TACC2: variants seen among roughly 807,000 people sequenced by gnomAD.
TACC2 encodes transforming acidic coiled-coil containing protein 2.
TACC2 carries 137 observed loss-of-function variants against 227.3 expected under a neutral mutation model. That is an observed-to-expected ratio of 0.60 (90% CI 0.52 to 0.69). TACC2 has a LOEUF of 0.69. TACC2 is among the 30% of genes least tolerant of loss of function. TACC2 has a pLI of 0.00. For missense variants in TACC2, 3,470 were observed against 3,694.4 expected, an observed-to-expected ratio of 0.94 and a Z score of 1.57; for synonymous variants, 1,523 against 1,487.5, an observed-to-expected ratio of 1.02 and a Z score of -0.55.
intron 9 of TACC2, 73 bp from the exon 10 acceptor site, chr10:122,215,318 G>T: frequency 7.9e-6 from 11 of 1,386,102 alleles, no homozygotes; most frequent in Non-Finnish European, 1.1e-5. Flanking sequence ...CAGTAGCTTC[G>T]GTCCGCTCTG....
At chr10:122,126,347 T>C (rs559020434) in intron 5 of TACC2, among the ~76,000 whole-genome samples, 24 of 150,242 alleles carry the variant, frequency 1.6e-4, no homozygotes, top group African/African-American at 5.7e-4. Flanking sequence ...TGTGTGTGTG[T>C]TTGATGTTCA....
chr10:122,206,217 G>A (rs2095101876), intron 8 of TACC2, among the ~76,000 whole-genome samples: 1 of 152,220 alleles, frequency 6.6e-6, no homozygotes, highest in Admixed American at 6.5e-5. Flanking sequence ...TCAGCTGGGT[G>A]ATGTCTGCTG....
intron 3 of TACC2, among the ~76,000 whole-genome samples, chr10:122,073,106 C>CAAAAAA (rs1164376721): frequency 2.2e-3 from 43 of 19,398 alleles, no homozygotes; most frequent in Non-Finnish European, 2.9e-3. Flanking sequence ...GACTCTGTCT[C>CAAAAAA]AAAAAAAAAA....
At chr10:122,116,619 C>T (rs558829054) in intron 5 of TACC2, among the ~76,000 whole-genome samples, 6 of 152,260 alleles carry the variant, frequency 3.9e-5, no homozygotes, top group African/African-American at 1.4e-4. Context: ...CATGAATATA[C>T]TTGATAAACA....
intron 1 of TACC2, among the ~76,000 whole-genome samples, chr10:121,999,333 A>G (rs1338128220): frequency 6.6e-6 from 1 of 152,244 alleles, no homozygotes; most frequent in Non-Finnish European, 1.5e-5. Flanking sequence ...TAAAAAGCAC[A>G]GCTTTGTATT....
chr10:122,019,980 A>G (rs1341448204), intron 1 of TACC2: 2 of 152,222 alleles, frequency 1.3e-5, no homozygotes, highest in African/African-American at 2.4e-5. Flanking sequence ...TTCCAGACGC[A>G]GCCAGGCTTC....
intron 9 of TACC2, among the ~76,000 whole-genome samples, chr10:122,211,921 C>A (rs1253378567): frequency 6.6e-6 from 1 of 152,188 alleles, no homozygotes; most frequent in Non-Finnish European, 1.5e-5. Flanking sequence ...ATCCACATAC[C>A]CCTTTGTGTC....
chr10:122,083,931 C>T lies in TACC2; in HGVS notation c.1431C>T (p.Ser477=). ...GLERQVSDLG[S]KGEHPEGDPG... ...AGAGGCAGGTGTCAGATCTTGGAAGCAAGGGAGAGCATCCAGAAGGGGACC... is the reference window on the plus strand; with the variant it reads ...AGAGGCAGGTGTCAGATCTTGGAAGTAAGGGAGAGCATCCAGAAGGGGACC... The change falls in exon 4 of 23, where the codon AGC becomes AGT. Residue 477 remains serine, a synonymous_variant. Coordinates refer to ENST00000369005, the MANE Select transcript of TACC2 (RefSeq NM_206862.4). 6.2e-7 allele frequency: 1 copy of T among 1,614,022 alleles called. No homozygotes were observed. The highest frequency in any genetic ancestry group is 8.5e-7 in the Non-Finnish European group (1 of 1,180,000).
intron 3 of TACC2, among the ~76,000 whole-genome samples, chr10:122,075,200 A>AG (rs57279930): frequency 0.18 from 22,464 of 122,114 alleles, 1,902 homozygotes; most frequent in East Asian, 0.31. Context: ...AAAAAAAAAA[A>AG]AAAGAAAGAA....
intron 3 of TACC2, among the ~76,000 whole-genome samples, chr10:122,059,313 C>T (rs2076547597): frequency 1.3e-5 from 2 of 151,890 alleles, no homozygotes; most frequent in Admixed American, 1.3e-4. Flanking sequence ...TCAGAATTGA[C>T]TGGGATATCA....
At chr10:122,058,953 C>T (rs996914953) in intron 3 of TACC2, among the ~76,000 whole-genome samples, 3 of 148,842 alleles carry the variant, frequency 2.0e-5, no homozygotes, top group Admixed American at 6.7e-5. Flanking sequence ...AGTGCAGTGG[C>T]GCAATCTCGG....
In TACC2 at chr10:121,992,597, T is replaced by C. The variant is rs561113985; in HGVS notation, c.-46+3109T>C. Reference sequence around the variant, plus strand: ...GAAGGTGGAGTGTGGGATCATTCTCTTTTTCTGCCTGATGAAATGGAAGTG... The same window carrying C: ...GAAGGTGGAGTGTGGGATCATTCTCCTTTTCTGCCTGATGAAATGGAAGTG... On this transcript the variant is annotated intron_variant, in intron 1 of 22. Transcript: ENST00000369005. Among the ~76,000 whole-genome samples, 76 of 152,334 alleles carry C rather than the reference T, an allele frequency of 5.0e-4. 1 individual carries two copies. Among genetic ancestry groups the C allele is most frequent in the African/African-American group, 1.8e-3 (75 of 41,570 alleles).
chr10:122,073,866 G>A (rs1229905004), intron 3 of TACC2, among the ~76,000 whole-genome samples: 2 of 151,904 alleles, frequency 1.3e-5, no homozygotes, highest in Non-Finnish European at 2.9e-5. Context: ...TGCAAACTCC[G>A]CCTCCTGGGT....
intron 7 of TACC2, among the ~76,000 whole-genome samples, chr10:122,179,856 G>C (rs932091808): frequency 6.6e-6 from 1 of 152,096 alleles, no homozygotes; most frequent in Admixed American, 6.5e-5. Flanking sequence ...GAGGCGACAG[G>C]ATCACTTGAG....
rs760094555 is a variant in TACC2 at position 122,087,844 on chromosome 10, G to A, written c.5344G>A (p.Glu1782Lys). Residue 1782 changes from glutamate to lysine, a missense_variant, in exon 4 of 23, where the codon GAG becomes AAG. Around this residue, in one of 10 missense-constraint regions of TACC2, gnomAD observed 1,924 missense variants for 1,978.3 expected, o/e 0.97. Transcript: ENST00000369005. ...PQQAKEQPGP[E>K]RPIPAGDGKV... The stretch of plus-strand genomic sequence containing the variant: ...GCAGGCTAAGGAGCAGCCAGGGCCT[G>A]AGCGCCCCATTCCAGCTGGGGATGG... The A allele has an allele frequency of 3.3e-6, 5 of 1,531,884 alleles. No individual in the cohort carries two copies. The Admixed American group carries it at 6.2e-5, about 19-fold the overall frequency. 94.9% of individuals were successfully genotyped at this position (1,531,884 alleles called of 1,614,324 possible). A position where few individuals can be genotyped will look rare whatever the true frequency, so the allele number is the denominator to read the frequency against.
Position 121,990,232 on chromosome 10 carries a change from A to G in TACC2, c.-46+744A>G, listed in dbSNP as rs140408493. Among the ~76,000 whole-genome samples the G allele has an allele frequency of 1.2e-4, 18 of 151,884 alleles. 1 individual carries two copies. The highest frequency in any genetic ancestry group is 4.1e-4 in the African/African-American group (17 of 41,420). ...CTAACGCAATCCTCCCACCAGGAGC[A>G]ATCCTCTCAAGTAGTTGGAACTACA... On this transcript the variant is annotated intron_variant, in intron 1 of 22. Transcript: ENST00000369005.
chr10:122,183,567 G>A (rs527858754), intron 7 of TACC2, among the ~76,000 whole-genome samples: 15 of 152,304 alleles, frequency 9.8e-5, no homozygotes, highest in East Asian at 1.9e-4. Context: ...TTGTATGAGC[G>A]AAAGGGCCAA....
chr10:122,133,211 A>G (rs561400959), intron 6 of TACC2, among the ~76,000 whole-genome samples: 1 of 152,236 alleles, frequency 6.6e-6, no homozygotes, highest in South Asian at 2.1e-4. Context: ...CAGGGGAGCC[A>G]GGGGCCTGGG....
At chr10:122,227,531 T>C (rs1050621091) in intron 13 of TACC2, among the ~76,000 whole-genome samples, 2 of 152,220 alleles carry the variant, frequency 1.3e-5, no homozygotes, top group East Asian at 1.9e-4. Flanking sequence ...CTCCATCTTA[T>C]AGAGAAGGAA....
Sources: gnomAD v4.1 joint callset for allele counts (sites outside exome capture counted in the v4.1 genomes callset) on GRCh38, gnomAD v4.1.1 for gene constraint, gnomAD v4.1.1 regional missense constraint, MANE v1.5 for transcripts, NCBI Gene and HGNC (gene_info 2026-07-23, HGNC 2026-07-21) for gene names.